Variants in HSD17B12 observed in about 807,000 individuals in gnomAD.
HSD17B12 encodes hydroxysteroid 17-beta dehydrogenase 12.
Under a neutral mutation model 39.3 loss-of-function variants are expected in HSD17B12, and 32 were observed. That is an observed-to-expected ratio of 0.81 (90% confidence interval 0.61 to 1.09). The LOEUF (loss-of-function observed/expected upper bound fraction) is 1.09. Among genes scored for constraint, HSD17B12 ranks in the 50% least tolerant of loss-of-function variants. The probability of loss-of-function intolerance (pLI) is 0.00; values close to 1 mark genes in which losing one functional copy is unlikely to be tolerated. For synonymous variants in HSD17B12, 150 were observed against 146.7 expected, an observed-to-expected ratio of 1.02 and a Z score of -0.16; for missense variants, 342 against 382.9, an observed-to-expected ratio of 0.89 and a Z score of 0.89.
chr11:43,631,607 CTG>C, the HSD17B12 span, among the ~76,000 whole-genome samples: 6 of 127,622 alleles, frequency 4.7e-5, no homozygotes, highest in African/African-American at 1.0e-4. Flanking sequence ...CTCTCTCTCT[CTG>C]TCTCTCTCTC....
chr11:43,666,256 T>G, the HSD17B12 span, among the ~76,000 whole-genome samples: 1 of 152,116 alleles, frequency 6.6e-6, no homozygotes, highest in Admixed American at 6.6e-5. Context: ...CAGGCTGGAG[T>G]GCAGTGGTGC....
the HSD17B12 span, among the ~76,000 whole-genome samples, chr11:43,595,861 G>A: frequency 1.3e-5 from 2 of 152,140 alleles, no homozygotes; most frequent in East Asian, 1.9e-4. Context: ...AGAAAGAGAG[G>A]AGAGATTTAC....
intron 6 of HSD17B12, among the ~76,000 whole-genome samples, chr11:43,817,040 C>CTATATATA (rs368591679): frequency 2.8e-4 from 6 of 21,514 alleles, no homozygotes; most frequent in African/African-American, 5.3e-4. Flanking sequence ...ATATCTATAT[C>CTATATATA]TATATATATA....
chr11:43,680,837 G>A lies in HSD17B12; in HGVS notation c.10G>A (p.Ala4Thr). 2 of 1,614,078 alleles carry A rather than the reference G, an allele frequency of 1.2e-6. No homozygotes were observed. The highest frequency in any genetic ancestry group is 1.7e-6 in the Non-Finnish European group (2 of 1,179,980). The change falls in exon 1 of 11, where the codon GCT becomes ACT. Residue 4 changes from alanine (A) to threonine (T), a missense_variant. By Grantham distance (58) the Ala-to-Thr change is moderately conservative. Transcript: ENST00000278353. MES[A>T]LPAAGFLYWV... ...GGCCTAGTGGAAAGCCATGGAGAGCGCTCTCCCCGCCGCCGGCTTCCTGTA... is the reference window on the plus strand; with the variant it reads ...GGCCTAGTGGAAAGCCATGGAGAGCACTCTCCCCGCCGCCGGCTTCCTGTA...
intron 8 of HSD17B12, among the ~76,000 whole-genome samples, chr11:43,839,162 A>G (rs946082383): frequency 2.0e-5 from 3 of 152,100 alleles, no homozygotes; most frequent in African/African-American, 7.2e-5. Context: ...TACAGTAAGA[A>G]CTTGAAACAT....
Position 43,778,549 on chromosome 11 carries a change from C to T in HSD17B12, c.284-19771C>T, listed in dbSNP as rs564162066. Among the ~76,000 whole-genome samples, 4 of 151,092 alleles carry T rather than the reference C, an allele frequency of 2.6e-5. No homozygotes were observed. The East Asian group carries it at 7.8e-4, about 29-fold the overall frequency. On this transcript the variant is annotated intron_variant, in intron 3 of 10. Transcript: ENST00000278353. ...CACAACCAAAAAAGAGAATTTTAGA[C>T]CAATATCCTTGATGAACATTGATGC...
At chr11:43,675,792 G>T (rs372006469), upstream of HSD17B12, among the ~76,000 whole-genome samples, 33 of 152,178 alleles carry the variant, frequency 2.2e-4, no homozygotes, top group East Asian at 3.1e-3. Flanking sequence ...TAAAGAATTG[G>T]ATATGGAATG....
chr11:43,707,278 G>C (rs1421638481), intron 1 of HSD17B12, among the ~76,000 whole-genome samples: 1 of 152,198 alleles, frequency 6.6e-6, no homozygotes, highest in Non-Finnish European at 1.5e-5. Flanking sequence ...AAGTTTGGTG[G>C]TGAAACGTAC....
chr11:43,651,023 G>A, the HSD17B12 span, among the ~76,000 whole-genome samples: 1 of 152,108 alleles, frequency 6.6e-6, no homozygotes, highest in African/African-American at 2.4e-5. Context: ...TCCCATAAGG[G>A]GAGAGTAATG....
At chr11:43,778,727 A>T (rs1349339716) in intron 3 of HSD17B12, among the ~76,000 whole-genome samples, 1 of 151,946 alleles carries the variant, frequency 6.6e-6, no homozygotes, top group Non-Finnish European at 1.5e-5. Context: ...AGAACCAAAG[A>T]CAAAAACCAC....
At chr11:43,830,111 T>C (rs995648730) in intron 6 of HSD17B12, 2 of 152,240 alleles carry the variant, frequency 1.3e-5, no homozygotes, top group Non-Finnish European at 2.9e-5. Flanking sequence ...CTGTCTACTT[T>C]AATTAATATG....
At chr11:43,847,120 T>G (rs1347228872) in intron 9 of HSD17B12, among the ~76,000 whole-genome samples, 1 of 152,132 alleles carries the variant, frequency 6.6e-6, no homozygotes, top group East Asian at 1.9e-4. Context: ...TGTGAGTAAC[T>G]CCGTCTGCAG....
the HSD17B12 span, among the ~76,000 whole-genome samples, chr11:43,607,274 T>G: frequency 8.2e-6 from 1 of 122,668 alleles, no homozygotes; most frequent in South Asian, 3.1e-4. Context: ...GCACGTGTGC[T>G]CCTGAGTGTG....
chr11:43,803,525 T>TA (rs1437642279), intron 4 of HSD17B12, among the ~76,000 whole-genome samples: 5 of 152,260 alleles, frequency 3.3e-5, no homozygotes, highest in African/African-American at 1.2e-4. Context: ...ATAAGAAAAA[T>TA]AAATCACCAG....
chr11:43,601,308 A>G, the HSD17B12 span, among the ~76,000 whole-genome samples: 3 of 151,946 alleles, frequency 2.0e-5, no homozygotes, highest in East Asian at 1.9e-4. Flanking sequence ...TGTCTTTTGC[A>G]TGCTGCGTTT....
At chr11:43,750,659 A>G (rs910484070) in intron 1 of HSD17B12, among the ~76,000 whole-genome samples, 7 of 152,190 alleles carry the variant, frequency 4.6e-5, no homozygotes, top group Non-Finnish European at 8.8e-5. Flanking sequence ...AATTGTACCA[A>G]TTTACAGTGC....
intron 3 of HSD17B12, among the ~76,000 whole-genome samples, chr11:43,784,594 T>C (rs1010284313): frequency 2.6e-5 from 4 of 152,086 alleles, no homozygotes; most frequent in African/African-American, 9.7e-5. Flanking sequence ...GTGATTCATG[T>C]AATACACTTG....
At chr11:43,734,236 G>T in intron 1 of HSD17B12, 1 of 1,436,740 alleles carries the variant, frequency 7.0e-7, no homozygotes. Context: ...CCACCTTTGG[G>T]TTCATCCTGG....
the HSD17B12 span, among the ~76,000 whole-genome samples, chr11:43,616,735 C>T: frequency 6.9e-6 from 1 of 145,208 alleles, no homozygotes; most frequent in Non-Finnish European, 1.5e-5. Flanking sequence ...AACCTCTATG[C>T]TGCCTTCATA....
Sources: gnomAD v4.1 joint callset for allele counts (sites outside exome capture counted in the v4.1 genomes callset) on GRCh38, gnomAD v4.1.1 for gene constraint, MANE v1.5 for transcripts, NCBI Gene and HGNC (gene_info 2026-07-23, HGNC 2026-07-21) for gene names.